The following DENND6A variants were observed in gnomAD, a reference collection of about 807,000 sequenced individuals.
The protein encoded by DENND6A is protein DENND6A.
In DENND6A, 43 loss-of-function variants were observed where a neutral mutation model predicts 95.5. The ratio of observed to expected loss-of-function variants is 0.45; its 90% CI spans 0.35 to 0.58. The LOEUF (loss-of-function observed/expected upper bound fraction) is 0.58, where lower values mean the gene tolerates loss of function less well. Ranked by LOEUF, DENND6A falls within the 20% of genes least tolerant of loss-of-function variation. The probability of loss-of-function intolerance (pLI) is 0.00; values close to 1 mark genes in which losing one functional copy is unlikely to be tolerated. For missense variants in DENND6A, 574 were observed against 736.0 expected (o/e 0.78, Z 2.55); for synonymous variants, 257 against 260.4 (o/e 0.99, Z 0.13).
At chr3:57,670,032 A>AAAAAG (rs2071590862) in intron 3 of DENND6A, among the ~76,000 whole-genome samples, 1 of 149,354 alleles carries the variant, frequency 6.7e-6, no homozygotes, top group African/African-American at 2.5e-5. Flanking sequence ...AAAAAAAAAA[A>AAAAAG]AAAAAGAAAA....
At chr3:57,658,788 G>C (rs2071373387) in intron 8 of DENND6A, among the ~76,000 whole-genome samples, 1 of 152,136 alleles carries the variant, frequency 6.6e-6, no homozygotes, top group Non-Finnish European at 1.5e-5. Flanking sequence ...CCTTTTAACT[G>C]AGTTTTCTAA....
At chr3:57,665,291 G>A (rs542811496) in intron 4 of DENND6A, among the ~76,000 whole-genome samples, 1 of 152,182 alleles carries the variant, frequency 6.6e-6, no homozygotes, top group South Asian at 2.1e-4. Context: ...CACTGTATAA[G>A]GTATATTGTG....
At chr3:57,668,903 C>T (rs2071568792) in intron 3 of DENND6A, among the ~76,000 whole-genome samples, 1 of 152,102 alleles carries the variant, frequency 6.6e-6, no homozygotes, top group Admixed American at 6.5e-5. Flanking sequence ...GATGGAGTCT[C>T]ACTCCGTCGC....
At chr3:57,635,710 T>A (rs913564172) in intron 12 of DENND6A, among the ~76,000 whole-genome samples, 1 of 152,220 alleles carries the variant, frequency 6.6e-6, no homozygotes, top group Non-Finnish European at 1.5e-5. Flanking sequence ...CAATCTTATA[T>A]TGCTAAAAAA....
intron 19 of DENND6A, 66 bp downstream of exon 19, chr3:57,628,745 C>T: frequency 1.3e-6 from 2 of 1,516,062 alleles, no homozygotes; most frequent in Non-Finnish European, 1.8e-6. Flanking sequence ...GGGTTGTCAG[C>T]TCACATGAGA....
chr3:57,677,964 T>A (rs113539458), intron 1 of DENND6A, among the ~76,000 whole-genome samples: 4 of 152,292 alleles, frequency 2.6e-5, no homozygotes, highest in African/African-American at 9.6e-5. Flanking sequence ...TAAGTTGTTA[T>A]ATCATCTTTA....
In DENND6A at chr3:57,663,621, G is replaced by A. The variant is rs1309805585; in HGVS notation, c.513+15C>T. 22 of 1,553,340 alleles carry A rather than the reference G, an allele frequency of 1.4e-5. No individual in the cohort carries two copies. Among genetic ancestry groups the A allele is most frequent in the Non-Finnish European group, 1.9e-5 (22 of 1,142,788 alleles). On this transcript the variant is annotated intron_variant, in intron 5 of 19. Coordinates refer to ENST00000311128, the MANE Select transcript of DENND6A (RefSeq NM_152678.3). The stretch of plus-strand genomic sequence containing the variant: ...AATAAAAAATACTTTTTTTATTAGT[G>A]TGTATGACAATTACCTTCTGAAAGT...
Position 57,659,143 on chromosome 3 carries a change from G to A in DENND6A, c.737C>T (p.Thr246Ile), listed in dbSNP as rs2071379857. 2.5e-6 allele frequency: 4 copies of A among 1,613,908 alleles called. No individual in the cohort carries two copies. The highest frequency in any genetic ancestry group is 2.7e-5 in the African/African-American group (2 of 74,902). ...CTGCTGAGTTAACTGCACTATTTGA[G>A]TTGTCCCAGGCTTGTCATGACATGT... is the stretch of plus-strand genomic sequence containing the variant. ...IPTCHDKPGT[T>I]QIVQLTQQVD... Residue 246 changes from threonine (T) to isoleucine (I), a missense_variant, in exon 8 of 20, where the codon ACT (threonine) becomes ATT (isoleucine). This residue lies in a region of DENND6A where 452 missense variants were observed against 630.9 expected (regional missense o/e 0.72). Transcript: ENST00000311128.
At chr3:57,677,419 C>CTTTTTTTTTTT (rs71088101) in intron 1 of DENND6A, among the ~76,000 whole-genome samples, 17 of 68,746 alleles carry the variant, frequency 2.5e-4, no homozygotes, top group East Asian at 4.7e-4. Flanking sequence ...CTTTGTTGTC[C>CTTTTTTTTTTT]TTTTTTTTTT....
Position 57,628,329 on chromosome 3 carries a change from T to A in DENND6A, c.1712A>T (p.Glu571Val), listed in dbSNP as rs761202880. 2 of 1,613,924 alleles carry A rather than the reference T, an allele frequency of 1.2e-6. No individual in the cohort carries two copies. The highest frequency in any genetic ancestry group is 1.7e-6 in the Non-Finnish European group (2 of 1,179,958). Residue 571 changes from glutamate (E) to valine (V), a missense_variant, in exon 20 of 20, where the codon GAG becomes GTG. By Grantham distance (121) the Glu-to-Val change is moderately radical. Around this residue, in one of 2 missense-constraint regions of DENND6A, gnomAD observed 452 missense variants for 630.9 expected, o/e 0.72. Transcript: ENST00000311128. ...AGTGTCAGGTTTCACAGGTAAGTGC[T>A]CTCGATCAGCCTGCAACTACATAAG... The part of the protein sequence containing the change: ...LKNKLLQADR[E>V]HLPVKPDTME...
At chr3:57,664,703 C>G (rs529122793) in intron 4 of DENND6A, among the ~76,000 whole-genome samples, 4 of 152,000 alleles carry the variant, frequency 2.6e-5, no homozygotes, top group Non-Finnish European at 5.9e-5. Context: ...TGTGGTGGCA[C>G]GTGCCTGTAA....
At chr3:57,658,255 A>G (rs1394713060) in intron 8 of DENND6A, among the ~76,000 whole-genome samples, 1 of 151,700 alleles carries the variant, frequency 6.6e-6, no homozygotes, top group Admixed American at 6.6e-5. Flanking sequence ...AAAAGAATTA[A>G]TCCCAAGCTC....
intron 5 of DENND6A, among the ~76,000 whole-genome samples, chr3:57,663,111 A>G (rs1048600145): frequency 6.3e-5 from 9 of 143,448 alleles, no homozygotes; most frequent in South Asian, 2.2e-4. Context: ...AGATCACACC[A>G]CTGAACTCCA....
chr3:57,676,375 T>TAAAAAAAAAAAAAAAAAAAAAA (rs35465829), intron 1 of DENND6A, among the ~76,000 whole-genome samples: 1 of 87,354 alleles, frequency 1.1e-5, no homozygotes, highest in African/African-American at 4.3e-5. Context: ...TAAGATTATT[T>TAAAAAAAAAAAAAAAAAAAAAA]AAAAAAAAAA....
chr3:57,683,191 T>C (rs1257970619), intron 1 of DENND6A, among the ~76,000 whole-genome samples: 1 of 152,124 alleles, frequency 6.6e-6, no homozygotes, highest in Non-Finnish European at 1.5e-5. Flanking sequence ...CAAAGGACGC[T>C]TAAGGTTAGG....
chr3:57,641,596 A>G, intron 12 of DENND6A, 57 bp downstream of exon 12: 1 of 1,412,082 alleles, frequency 7.1e-7, no homozygotes, highest in South Asian at 1.5e-5. Context: ...ATGAAAAGAA[A>G]GAAACCTGTT....
chr3:57,643,826 CAAA>C (rs1158460000), intron 11 of DENND6A, among the ~76,000 whole-genome samples: 1 of 94,170 alleles, frequency 1.1e-5, no homozygotes. Context: ...GACTCTGTCT[CAAA>C]AAAAAAAAAA....
intron 1 of DENND6A, among the ~76,000 whole-genome samples, chr3:57,682,894 T>C (rs1575868405): frequency 6.6e-6 from 1 of 152,188 alleles, no homozygotes; most frequent in Non-Finnish European, 1.5e-5. Context: ...GCCAGGCTGG[T>C]CTCGGACTCC....
At chr3:57,658,342 AAC>A (rs1243261395) in intron 8 of DENND6A, among the ~76,000 whole-genome samples, 1 of 152,108 alleles carries the variant, frequency 6.6e-6, no homozygotes, top group Non-Finnish European at 1.5e-5. Flanking sequence ...CAGCCTGGGT[AAC>A]AGAGTGAAAT....
Sources: gnomAD v4.1 joint callset for allele counts (sites outside exome capture counted in the v4.1 genomes callset) on GRCh38, gnomAD v4.1.1 for gene constraint, gnomAD v4.1.1 regional missense constraint, MANE v1.5 for transcripts, NCBI Gene and HGNC (gene_info 2026-07-23, HGNC 2026-07-21) for gene names.